Variants in TTC27 observed in about 807,000 individuals in gnomAD.
TTC27 encodes the protein tetratricopeptide repeat protein 27.
TTC27 carries 79 observed loss-of-function variants against 115.9 expected under a neutral mutation model. That is an observed-to-expected ratio of 0.68 (90% CI 0.57 to 0.82). TTC27 has a LOEUF of 0.82. Ranked by LOEUF, TTC27 falls within the 40% of genes least tolerant of loss-of-function variation. The probability of loss-of-function intolerance (pLI) is 0.00; values close to 1 mark genes in which losing one functional copy is unlikely to be tolerated. For missense variants in TTC27, 1,054 were observed against 993.1 expected (o/e 1.06, Z -0.82); for synonymous variants, 401 against 356.0 (o/e 1.13, Z -1.42).
chr2:32,710,881 A>G (rs1253524401), intron 10 of TTC27, among the ~76,000 whole-genome samples: 1 of 151,728 alleles, frequency 6.6e-6, no homozygotes, highest in Non-Finnish European at 1.5e-5. Context: ...TGGGAGGCCA[A>G]GGCATTTGGA....
chr2:32,696,184 A>G (rs182151030), intron 9 of TTC27, among the ~76,000 whole-genome samples: 2 of 152,072 alleles, frequency 1.3e-5, no homozygotes, highest in South Asian at 2.1e-4. Flanking sequence ...GGTGTCCTCA[A>G]AGTTCATCTG....
At chr2:32,668,312 A>G (rs916289984) in intron 7 of TTC27, among the ~76,000 whole-genome samples, 2 of 151,592 alleles carry the variant, frequency 1.3e-5, no homozygotes, top group Non-Finnish European at 2.9e-5. Context: ...GGAGGCTACA[A>G]TGAGCAATGA....
At chr2:32,721,263 A>G (rs1021196341) in intron 10 of TTC27, among the ~76,000 whole-genome samples, 6 of 152,312 alleles carry the variant, frequency 3.9e-5, no homozygotes, top group African/African-American at 1.4e-4. Flanking sequence ...ACAGGTCGCA[A>G]TGAGGAGTCA....
chr2:32,799,893 T>G (rs1670862507), intron 16 of TTC27, among the ~76,000 whole-genome samples: 2 of 152,172 alleles, frequency 1.3e-5, no homozygotes, highest in Non-Finnish European at 2.9e-5. Flanking sequence ...CAAAATAAAT[T>G]CAGTTAAATA....
At chr2:32,688,981 TGA>T (rs1666727885) in intron 9 of TTC27, among the ~76,000 whole-genome samples, 2 of 152,080 alleles carry the variant, frequency 1.3e-5, no homozygotes, top group African/African-American at 4.8e-5. Flanking sequence ...TCAAAACAAA[TGA>T]GTGATAAACT....
chr2:32,766,522 G>A (rs1478318244), intron 13 of TTC27: 1 of 449,388 alleles, frequency 2.2e-6, no homozygotes, highest in South Asian at 1.7e-5. Context: ...GGTCAGTGGA[G>A]CAGTCAGAAC....
chr2:32,664,607 A>C (rs1665696372), intron 6 of TTC27, 140 bp downstream of exon 6: 3 of 710,664 alleles, frequency 4.2e-6, no homozygotes, highest in Non-Finnish European at 6.6e-6. Context: ...TTTTATTTAC[A>C]AATTTATAGT....
intron 10 of TTC27, among the ~76,000 whole-genome samples, chr2:32,706,854 C>T (rs560797900): frequency 1.2e-3 from 190 of 152,356 alleles, no homozygotes; most frequent in South Asian, 8.7e-3. Flanking sequence ...TGAGCCACTG[C>T]GCCTGGCCCC....
chr2:32,776,031 G>A (rs1033481473), intron 13 of TTC27, among the ~76,000 whole-genome samples: 1 of 152,124 alleles, frequency 6.6e-6, no homozygotes, highest in Admixed American at 6.6e-5. Context: ...GTTGTTGAAA[G>A]TTCCATGATT....
intron 16 of TTC27, among the ~76,000 whole-genome samples, chr2:32,788,248 A>T (rs556964429): frequency 6.6e-6 from 1 of 152,188 alleles, no homozygotes; most frequent in South Asian, 2.1e-4. Context: ...AAAAATGTAC[A>T]TGAAACATTC....
intron 4 of TTC27, among the ~76,000 whole-genome samples, chr2:32,642,247 A>ATTTTTTTT (rs10634857): frequency 5.1e-4 from 52 of 102,142 alleles, no homozygotes; most frequent in Non-Finnish European, 7.5e-4. Flanking sequence ...TATACACTAA[A>ATTTTTTTT]TTTTTTTTTT....
At chr2:32,811,952 CT>C (rs1202182556) in intron 17 of TTC27, among the ~76,000 whole-genome samples, 1 of 152,172 alleles carries the variant, frequency 6.6e-6, no homozygotes, top group Non-Finnish European at 1.5e-5. Flanking sequence ...CCACCGTGGC[CT>C]TGTCAGCCCA....
intron 4 of TTC27, among the ~76,000 whole-genome samples, chr2:32,649,637 C>T (rs1416113274): frequency 1.3e-5 from 2 of 151,698 alleles, no homozygotes; most frequent in Non-Finnish European, 2.9e-5. Flanking sequence ...CTCTGCCTCC[C>T]AGGTTTAAGC....
At chr2:32,692,996 A>T (rs1356045614) in intron 9 of TTC27, among the ~76,000 whole-genome samples, 2 of 151,906 alleles carry the variant, frequency 1.3e-5, no homozygotes, top group African/African-American at 4.8e-5. Context: ...AAAAATCTAT[A>T]AAACATAATT....
intron 5 of TTC27, among the ~76,000 whole-genome samples, chr2:32,656,307 A>G (rs1665313709): frequency 1.3e-5 from 2 of 152,174 alleles, no homozygotes; most frequent in African/African-American, 4.8e-5. Context: ...GGAATGAGGG[A>G]GAGAATGTGA....
At chr2:32,687,692 G>T (rs1435074255) in intron 9 of TTC27, among the ~76,000 whole-genome samples, 1 of 152,106 alleles carries the variant, frequency 6.6e-6, no homozygotes, top group African/African-American at 2.4e-5. Flanking sequence ...TCATTACAAA[G>T]AATATTTCCA....
intron 16 of TTC27, among the ~76,000 whole-genome samples, chr2:32,804,003 T>C (rs1291001943): frequency 5.2e-5 from 7 of 135,532 alleles, no homozygotes; most frequent in Non-Finnish European, 1.1e-4. Context: ...CGAGACTCCA[T>C]CTCAATTAAA....
chr2:32,675,106 T>C (rs1331699109), intron 8 of TTC27, among the ~76,000 whole-genome samples: 1 of 152,202 alleles, frequency 6.6e-6, no homozygotes, highest in Non-Finnish European at 1.5e-5. Flanking sequence ...ACATTAACCC[T>C]CATTAATAGT....
chr2:32,631,573 T>G (rs1664210986), intron 2 of TTC27, among the ~76,000 whole-genome samples: 1 of 152,214 alleles, frequency 6.6e-6, no homozygotes, highest in South Asian at 2.1e-4. Flanking sequence ...TACCTCTATC[T>G]TTCGTCTACT....
Sources: gnomAD v4.1 joint callset for allele counts (sites outside exome capture counted in the v4.1 genomes callset) on GRCh38, gnomAD v4.1.1 for gene constraint, MANE v1.5 for transcripts, NCBI Gene and HGNC (gene_info 2026-07-23, HGNC 2026-07-21) for gene names.